ATP8A2: variants seen among roughly 807,000 people sequenced by gnomAD.
ATP8A2 encodes phospholipid-transporting ATPase IB.
Under a neutral mutation model 165.6 loss-of-function variants are expected in ATP8A2, and 100 were observed. That is an observed-to-expected ratio of 0.60 (90% CI 0.51 to 0.71). The LOEUF is 0.71. Among genes scored for constraint, ATP8A2 ranks in the 30% least tolerant of loss-of-function variants. The pLI, the probability that ATP8A2 is intolerant of heterozygous loss-of-function variation, is 0.00. For missense variants in ATP8A2, 1,227 were observed against 1,479.5 expected (o/e 0.83, Z 2.80); for synonymous variants, 543 against 548.8 (o/e 0.99, Z 0.15).
chr13:25,443,093 GTATCA>G (rs1164940309), intron 1 of ATP8A2, among the ~76,000 whole-genome samples: 1 of 152,080 alleles, frequency 6.6e-6, no homozygotes, highest in Non-Finnish European at 1.5e-5. Flanking sequence ...TGTGCCTTTT[GTATCA>G]TATCTAAGAA....
At chr13:25,714,411 C>T (rs1326315330) in intron 25 of ATP8A2, among the ~76,000 whole-genome samples, 1 of 152,154 alleles carries the variant, frequency 6.6e-6, no homozygotes, top group Non-Finnish European at 1.5e-5. Flanking sequence ...AGTACTCTGG[C>T]TCTGTTAGTG....
intron 1 of ATP8A2, among the ~76,000 whole-genome samples, chr13:25,399,416 T>TTTTTTTTA (rs2033546342): frequency 2.1e-5 from 3 of 141,816 alleles, no homozygotes; most frequent in East Asian, 2.1e-4. Flanking sequence ...TTTTTTTTTT[T>TTTTTTTTA]GAGACGGAGT....
intron 35 of ATP8A2, among the ~76,000 whole-genome samples, chr13:25,972,708 G>GT (rs916373739): frequency 2.0e-5 from 3 of 152,158 alleles, no homozygotes; most frequent in African/African-American, 7.2e-5. Context: ...AAAATTCTTT[G>GT]TTTTTTAATG....
At chr13:25,402,263 T>C (rs2033662384) in intron 1 of ATP8A2, among the ~76,000 whole-genome samples, 1 of 152,158 alleles carries the variant, frequency 6.6e-6, no homozygotes, top group African/African-American at 2.4e-5. Context: ...ATTTCTGGAA[T>C]TTTTCATTTA....
intron 34 of ATP8A2, among the ~76,000 whole-genome samples, chr13:25,966,853 CCCAG>C (rs1955788054): frequency 1.3e-5 from 2 of 152,232 alleles, no homozygotes; most frequent in African/African-American, 4.8e-5. Flanking sequence ...CCCCTTTCCT[CCCAG>C]CCTGGGAAAT....
intron 27 of ATP8A2, among the ~76,000 whole-genome samples, chr13:25,776,477 A>G (rs180880780): frequency 1.3e-5 from 2 of 152,382 alleles, no homozygotes; most frequent in Non-Finnish European, 2.9e-5. Flanking sequence ...TTAAAAAATT[A>G]TTCACAATTT....
At chr13:25,773,892 G>T (rs1465371922) in intron 26 of ATP8A2, among the ~76,000 whole-genome samples, 2 of 152,120 alleles carry the variant, frequency 1.3e-5, no homozygotes, top group African/African-American at 4.8e-5. Flanking sequence ...GTACATCCGT[G>T]TGTGTCTATA....
At chr13:25,661,329 G>A (rs1173547742) in intron 24 of ATP8A2, among the ~76,000 whole-genome samples, 2 of 152,078 alleles carry the variant, frequency 1.3e-5, no homozygotes, top group Admixed American at 1.3e-4. Flanking sequence ...AATAATTCAT[G>A]GTATTATTAA....
intron 24 of ATP8A2, among the ~76,000 whole-genome samples, chr13:25,679,976 T>G (rs2042450699): frequency 6.6e-6 from 1 of 152,146 alleles, no homozygotes; most frequent in Admixed American, 6.5e-5. Context: ...CTAGAGTGAT[T>G]CACAGTAGCT....
intron 25 of ATP8A2, among the ~76,000 whole-genome samples, chr13:25,737,346 C>G (rs149721908): frequency 6.6e-6 from 1 of 152,284 alleles, no homozygotes; most frequent in Non-Finnish European, 1.5e-5. Flanking sequence ...AGTTAATTCT[C>G]TTGGTGATTC....
chr13:25,514,574 A>G (rs1259142171), intron 2 of ATP8A2, among the ~76,000 whole-genome samples: 1 of 152,156 alleles, frequency 6.6e-6, no homozygotes, highest in African/African-American at 2.4e-5. Flanking sequence ...CTGGCTGTGT[A>G]AGATTTTGGT....
Position 25,837,291 on chromosome 13 carries a change from CAG to C in ATP8A2, c.2877+9_2877+10del. ...GCGAAGGCTTCAACACAAAGGTAAA[CAG>C]AGTGTGATCTCAGAACTGTCACCTC... On this transcript the variant is annotated splice_region_variant and intron_variant, in intron 29 of 36. Transcript: ENST00000381655. The C allele has an allele frequency of 1.2e-6, 2 of 1,613,958 alleles. No homozygotes were observed. The highest frequency in any genetic ancestry group is 1.7e-6 in the Non-Finnish European group (2 of 1,179,900).
At chr13:25,854,111 T>C (rs1952086840) in intron 30 of ATP8A2, among the ~76,000 whole-genome samples, 1 of 152,184 alleles carries the variant, frequency 6.6e-6, no homozygotes, top group South Asian at 2.1e-4. Flanking sequence ...GTTTTCTTTG[T>C]TTTGGAATAT....
chr13:25,755,768 A>G lies in ATP8A2; in HGVS notation c.2385-13278A>G, dbSNP rs142777605. On this transcript the variant is annotated intron_variant, in intron 25 of 36. Coordinates refer to ENST00000381655, the MANE Select transcript of ATP8A2 (RefSeq NM_016529.6). Reference sequence around the variant, plus strand: ...AAAAATACAAAAAAATTAGCTGGGCATGGTGGCGGGCATGTATAATCCCAG... The same window carrying G: ...AAAAATACAAAAAAATTAGCTGGGCGTGGTGGCGGGCATGTATAATCCCAG... Among the ~76,000 whole-genome samples the G allele has an allele frequency of 9.5e-3, 1,449 of 152,096 alleles. 29 individuals carry two copies. Among genetic ancestry groups the G allele is most frequent in the African/African-American group, 0.033 (1,370 of 41,500 alleles).
intron 28 of ATP8A2, among the ~76,000 whole-genome samples, chr13:25,833,544 C>CT (rs150174266): frequency 0.012 from 1,828 of 152,158 alleles, 42 homozygotes; most frequent in African/African-American, 0.039. Flanking sequence ...ATTCTAGAGT[C>CT]AGATGTGTAA....
intron 1 of ATP8A2, among the ~76,000 whole-genome samples, chr13:25,373,780 G>C (rs1019057334): frequency 2.6e-5 from 4 of 152,184 alleles, no homozygotes; most frequent in African/African-American, 9.7e-5. Context: ...GATCCAAGAG[G>C]AGATGATTAG....
At chr13:25,651,336 G>A (rs751954195) in intron 24 of ATP8A2, among the ~76,000 whole-genome samples, 1 of 151,854 alleles carries the variant, frequency 6.6e-6, no homozygotes, top group Admixed American at 6.6e-5. Flanking sequence ...CCAGCTACTC[G>A]GGAGGCTGAG....
chr13:25,893,947 G>C (rs1953457543), intron 33 of ATP8A2, among the ~76,000 whole-genome samples: 3 of 151,550 alleles, frequency 2.0e-5, no homozygotes. Context: ...GATTCTGGAT[G>C]AGTATGTTGC....
intron 33 of ATP8A2, among the ~76,000 whole-genome samples, chr13:25,932,862 T>TG (rs1230589130): frequency 6.6e-6 from 1 of 152,210 alleles, no homozygotes; most frequent in African/African-American, 2.4e-5. Context: ...TTTCTTTTTT[T>TG]TTGAGACGGA....
Sources: gnomAD v4.1 joint callset for allele counts (sites outside exome capture counted in the v4.1 genomes callset) on GRCh38, gnomAD v4.1.1 for gene constraint, MANE v1.5 for transcripts, NCBI Gene and HGNC (gene_info 2026-07-23, HGNC 2026-07-21) for gene names.